Variants in FSTL5 observed in about 807,000 individuals in gnomAD.
FSTL5 encodes follistatin-related protein 5.
FSTL5 carries 62 observed loss-of-function variants against 89.1 expected under a neutral mutation model. That is an observed-to-expected ratio of 0.70 (90% CI 0.57 to 0.86). The LOEUF (loss-of-function observed/expected upper bound fraction) is 0.86. FSTL5 is among the 40% of genes least tolerant of loss of function. FSTL5 has a pLI of 0.00. For missense variants in FSTL5, 1,057 were observed against 1,001.6 expected (o/e 1.06, Z -0.75); for synonymous variants, 383 against 346.2 (o/e 1.11, Z -1.18).
rs565166142 is a variant in FSTL5 at position 162,053,394 on chromosome 4, C to T, written c.127-19736G>A. The stretch of plus-strand genomic sequence containing the variant: ...AGTAACGCCTTAAGGTCCTTTGCAG[C>T]AGAGAAGCGCTTCATCTTTGAGAAT... On this transcript the variant is annotated intron_variant, in intron 2 of 15. Coordinates refer to ENST00000306100, the MANE Select transcript of FSTL5 (RefSeq NM_020116.5). Among the ~76,000 whole-genome samples, 8 of 151,774 alleles carry T rather than the reference C, an allele frequency of 5.3e-5. No homozygotes were observed. The South Asian group carries it at 1.7e-3, about 32-fold the overall frequency.
chr4:161,850,469 C>T (rs1256683668), intron 4 of FSTL5, among the ~76,000 whole-genome samples: 4 of 151,954 alleles, frequency 2.6e-5, no homozygotes, highest in Non-Finnish European at 4.4e-5. Context: ...TGCAAAAATA[C>T]GTGTGTGCTT....
intron 8 of FSTL5, among the ~76,000 whole-genome samples, chr4:161,568,855 T>C (rs191636844): frequency 8.7e-4 from 132 of 152,310 alleles, no homozygotes; most frequent in African/African-American, 3.0e-3. Flanking sequence ...TCTAAATTAT[T>C]AATAGCAGCT....
At chr4:161,606,974 AT>A (rs1734469108) in intron 7 of FSTL5, among the ~76,000 whole-genome samples, 1 of 152,234 alleles carries the variant, frequency 6.6e-6, no homozygotes, top group African/African-American at 2.4e-5. Flanking sequence ...AATACTAGTT[AT>A]TCGATTTCCT....
At chr4:161,552,234 C>T (rs1466194954) in intron 8 of FSTL5, among the ~76,000 whole-genome samples, 1 of 151,720 alleles carries the variant, frequency 6.6e-6, no homozygotes, top group Admixed American at 6.6e-5. Context: ...AGGAGATGAG[C>T]TTTTTAAAAA....
intron 8 of FSTL5, among the ~76,000 whole-genome samples, chr4:161,564,023 C>T (rs2126575024): frequency 6.6e-6 from 1 of 151,914 alleles, no homozygotes; most frequent in East Asian, 1.9e-4. Context: ...AAAAATAAAA[C>T]TATGCCCCTC....
intron 15 of FSTL5, among the ~76,000 whole-genome samples, chr4:161,452,673 C>T (rs531888467): frequency 5.3e-5 from 8 of 152,000 alleles, no homozygotes; most frequent in Admixed American, 2.0e-4. Context: ...TTGAACTGCA[C>T]CAAGAAATTT....
chr4:162,111,599 T>A (rs1269224716), intron 1 of FSTL5, among the ~76,000 whole-genome samples, 187 bp from the exon 2 acceptor site: 2 of 152,082 alleles, frequency 1.3e-5, no homozygotes, highest in African/African-American at 4.8e-5. Flanking sequence ...AACAAATACT[T>A]TTTTTCATTC....
chr4:161,860,970 A>G (rs1731892352), intron 4 of FSTL5, among the ~76,000 whole-genome samples: 2 of 152,172 alleles, frequency 1.3e-5, no homozygotes, highest in South Asian at 4.1e-4. Flanking sequence ...TCACAAAAAG[A>G]TAATACCTTT....
At chr4:161,968,952 C>A (rs772117110) in intron 3 of FSTL5, among the ~76,000 whole-genome samples, 3 of 114,226 alleles carry the variant, frequency 2.6e-5, no homozygotes, top group Non-Finnish European at 5.6e-5. Context: ...CACACACACA[C>A]ACACACACTC....
chr4:161,429,034 C>T lies in FSTL5; in HGVS notation c.1841+25970G>A, dbSNP rs149837475. 5.2e-3 allele frequency among the ~76,000 whole-genome samples: 787 copies of T among 152,170 alleles called. 9 individuals are homozygous for T. Among genetic ancestry groups the T allele is most frequent in the African/African-American group, 0.017 (715 of 41,518 alleles). On this transcript the variant is annotated intron_variant, in intron 15 of 15. Transcript: ENST00000306100. ...GAGTCCCAGGCCTAGCAGCACTTAC[C>T]ACAAGCTTACTGAAGCCCTCTTGGG...
In FSTL5 at chr4:162,111,273, T is replaced by C. The variant is rs764114255; in HGVS notation, c.124A>G (p.Lys42Glu). The C allele has an allele frequency of 6.2e-7, 1 of 1,606,260 alleles. No individual in the cohort carries two copies. Among genetic ancestry groups the C allele is most frequent in the Non-Finnish European group, 8.5e-7 (1 of 1,174,872 alleles). ...CAGATTCAGAATATTGACTGTACCTTATGTCGCAATCTCATTAGAGGCTGA... is the reference window on the plus strand; with the variant it reads ...CAGATTCAGAATATTGACTGTACCTCATGTCGCAATCTCATTAGAGGCTGA... ...SYQPLMRLRH[K>E]QEKNQESSRV... The change falls in exon 2 of 16, where the codon AAG becomes GAG. Residue 42 changes from lysine (K) to glutamate (E), a missense_variant and splice_region_variant. Physicochemically the swap from Lys to Glu is moderately conservative, Grantham distance 56. Transcript: ENST00000306100.
At chr4:161,441,127 C>A (rs974420894) in intron 15 of FSTL5, among the ~76,000 whole-genome samples, 1 of 152,012 alleles carries the variant, frequency 6.6e-6, no homozygotes, top group Non-Finnish European at 1.5e-5. Context: ...AGATATAAGG[C>A]AGTCAGTGGC....
chr4:161,476,305 A>G (rs1202599292), intron 13 of FSTL5, among the ~76,000 whole-genome samples: 1 of 150,490 alleles, frequency 6.6e-6, no homozygotes, highest in African/African-American at 2.4e-5. Flanking sequence ...CTCCTGCCTC[A>G]GCCTCCCAAG....
intron 7 of FSTL5, among the ~76,000 whole-genome samples, chr4:161,630,622 A>G (rs1229408929): frequency 1.3e-5 from 2 of 152,216 alleles, no homozygotes; most frequent in Non-Finnish European, 2.9e-5. Flanking sequence ...CTAACTTTAA[A>G]TATTGGTTAA....
chr4:161,647,716 GA>G (rs1036388812), intron 7 of FSTL5, among the ~76,000 whole-genome samples: 8 of 152,132 alleles, frequency 5.3e-5, no homozygotes, highest in Admixed American at 6.5e-5. Context: ...AAATGATGCG[GA>G]AAGGGGGAAG....
chr4:162,066,977 T>C (rs1045600378), intron 2 of FSTL5, among the ~76,000 whole-genome samples: 8 of 152,094 alleles, frequency 5.3e-5, no homozygotes, highest in African/African-American at 1.9e-4. Flanking sequence ...CAAATGGTAT[T>C]AGTTCTAGAT....
chr4:161,575,054 A>G (rs1733162422), intron 8 of FSTL5, among the ~76,000 whole-genome samples: 1 of 152,076 alleles, frequency 6.6e-6, no homozygotes, highest in Non-Finnish European at 1.5e-5. Context: ...CTGGCATGAG[A>G]TGGTGTCTTG....
At chr4:161,799,801 G>T (rs1486678585) in intron 4 of FSTL5, among the ~76,000 whole-genome samples, 1 of 151,712 alleles carries the variant, frequency 6.6e-6, no homozygotes, top group African/African-American at 2.4e-5. Flanking sequence ...GTGAATGCTG[G>T]AGTTGGGTTA....
intron 15 of FSTL5, among the ~76,000 whole-genome samples, chr4:161,439,752 C>A (rs1232639899): frequency 6.6e-6 from 1 of 152,006 alleles, no homozygotes; most frequent in Non-Finnish European, 1.5e-5. Flanking sequence ...CACACGTGTG[C>A]CTTTCTGCAA....
Sources: gnomAD v4.1 joint callset for allele counts (sites outside exome capture counted in the v4.1 genomes callset) on GRCh38, gnomAD v4.1.1 for gene constraint, MANE v1.5 for transcripts, NCBI Gene and HGNC (gene_info 2026-07-23, HGNC 2026-07-21) for gene names.